Variants in ADGRL2 observed in about 807,000 individuals in gnomAD.
The protein encoded by ADGRL2 is calcium-independent alpha-latrotoxin receptor 2.
Under a neutral mutation model 157.4 loss-of-function variants are expected in ADGRL2, and 44 were observed. That is an observed-to-expected ratio of 0.28 (90% CI 0.22 to 0.36). The LOEUF (loss-of-function observed/expected upper bound fraction) is 0.36, where lower values mean the gene tolerates loss of function less well. ADGRL2 is among the 10% of genes least tolerant of loss of function. ADGRL2 has a pLI of 1.00. For missense variants in ADGRL2, 1,510 were observed against 1,768.9 expected (o/e 0.85, Z 2.63); for synonymous variants, 585 against 624.7 (o/e 0.94, Z 0.95).
At chr1:81,490,281 G>A (rs1049341062) in intron 2 of ADGRL2, among the ~76,000 whole-genome samples, 15 of 151,928 alleles carry the variant, frequency 9.9e-5, no homozygotes, top group Non-Finnish European at 1.5e-4. Flanking sequence ...ACAGGTGTGC[G>A]CCATGATGTC....
intron 2 of ADGRL2, among the ~76,000 whole-genome samples, chr1:81,518,373 C>T (rs548719289): frequency 1.3e-5 from 2 of 152,172 alleles, no homozygotes; most frequent in Non-Finnish European, 2.9e-5. Context: ...AAATAGATAA[C>T]TAGCCCAACC....
At chr1:81,557,482 G>GCAAGA in intron 2 of ADGRL2, 1 of 120,064 alleles carries the variant, frequency 8.3e-6, no homozygotes, top group African/African-American at 3.1e-5. Flanking sequence ...AAGAAAGAAA[G>GCAAGA]AAGAAAGAAA....
chr1:81,762,981 G>T (rs1224435757), intron 2 of ADGRL2, among the ~76,000 whole-genome samples: 3 of 149,310 alleles, frequency 2.0e-5, no homozygotes, highest in Non-Finnish European at 4.4e-5. Context: ...GAACCCAGGA[G>T]GTGGAGCTTG....
intron 1 of ADGRL2, among the ~76,000 whole-genome samples, chr1:81,746,890 A>C (rs1413039028): frequency 6.6e-6 from 1 of 150,386 alleles, no homozygotes; most frequent in East Asian, 2.0e-4. Flanking sequence ...GTGCACACGT[A>C]TACACGTATA....
chr1:81,566,875 A>G (rs545902834), intron 2 of ADGRL2, among the ~76,000 whole-genome samples: 3 of 152,288 alleles, frequency 2.0e-5, no homozygotes, highest in African/African-American at 7.2e-5. Context: ...GAAATTTCAT[A>G]ATTAATCATG....
intron 2 of ADGRL2, among the ~76,000 whole-genome samples, chr1:81,877,920 T>A (rs1460775257): frequency 1.3e-5 from 2 of 152,154 alleles, no homozygotes; most frequent in East Asian, 1.9e-4. Context: ...TTAAATCTTA[T>A]TTGAAAGAAA....
chr1:81,355,658 T>C, intron 1 of ADGRL2, among the ~76,000 whole-genome samples: 1 of 151,486 alleles, frequency 6.6e-6, no homozygotes, highest in Middle Eastern at 3.4e-3. Flanking sequence ...AGAAGTGTAC[T>C]ACAGAGGCCA....
intron 3 of ADGRL2, among the ~76,000 whole-genome samples, chr1:81,638,950 G>C (rs1158614872): frequency 2.6e-5 from 4 of 152,214 alleles, no homozygotes; most frequent in African/African-American, 9.6e-5. Context: ...GCAGCAGTGA[G>C]CCGTGATCAC....
chr1:81,927,484 T>G (rs1166040215), intron 3 of ADGRL2, among the ~76,000 whole-genome samples: 1 of 152,030 alleles, frequency 6.6e-6, no homozygotes, highest in Non-Finnish European at 1.5e-5. Context: ...AAATTGAATG[T>G]AATAAAAATT....
intron 2 of ADGRL2, among the ~76,000 whole-genome samples, chr1:81,791,018 G>A (rs932540730): frequency 8.0e-6 from 1 of 124,584 alleles, no homozygotes; most frequent in Non-Finnish European, 1.6e-5. Context: ...GGTGAGCTGA[G>A]ATGGCAACAC....
At chr1:81,957,621 T>A (rs1653960675) in intron 11 of ADGRL2, among the ~76,000 whole-genome samples, 1 of 151,840 alleles carries the variant, frequency 6.6e-6, no homozygotes, top group Admixed American at 6.6e-5. Flanking sequence ...GGCGGGAGGA[T>A]CACCTGAGCC....
At chr1:81,460,847 T>C (rs2077911509) in intron 2 of ADGRL2, among the ~76,000 whole-genome samples, 1 of 152,236 alleles carries the variant, frequency 6.6e-6, no homozygotes, top group Non-Finnish European at 1.5e-5. Flanking sequence ...ACTGTCTTCC[T>C]TGCAAAATTG....
chr1:81,963,874 G>T (rs529648567), intron 11 of ADGRL2, among the ~76,000 whole-genome samples: 1 of 151,056 alleles, frequency 6.6e-6, no homozygotes, highest in East Asian at 2.0e-4. Flanking sequence ...ACAGAAAATA[G>T]AAATCTTATT....
chr1:81,493,173 A>G (rs2078667332), intron 2 of ADGRL2, among the ~76,000 whole-genome samples: 1 of 152,202 alleles, frequency 6.6e-6, no homozygotes, highest in Non-Finnish European at 1.5e-5. Context: ...GTATTTCAGG[A>G]GAAAAGAAAT....
At chr1:81,799,515 C>G (rs1252964040), upstream of ADGRL2, among the ~76,000 whole-genome samples, 1 of 152,200 alleles carries the variant, frequency 6.6e-6, no homozygotes, top group Non-Finnish European at 1.5e-5. Context: ...CAAGAACAAA[C>G]TTGACCAGTA....
chr1:81,614,642 A>G (rs1291919699), intron 3 of ADGRL2, among the ~76,000 whole-genome samples: 1 of 152,120 alleles, frequency 6.6e-6, no homozygotes, highest in Non-Finnish European at 1.5e-5. Context: ...CCAGTTCTGC[A>G]GGAAGTCAGA....
rs933313394 is a variant in ADGRL2 at position 81,666,778 on chromosome 1, C to G, written c.-143+85798C>G. On this transcript the variant is annotated intron_variant, in intron 3 of 24. Transcript: ENST00000370721. ...GAAGTCTGGAATCTCATTCCCGGCT[C>G]AAACTAACCCACAAGGGCTGTGACT... Among the ~76,000 whole-genome samples, 28 of 152,306 alleles carry G rather than the reference C, an allele frequency of 1.8e-4. 1 individual carries two copies. The East Asian group carries it at 5.2e-3, about 28-fold the overall frequency.
At chr1:81,476,210 A>G (rs2078269252) in intron 2 of ADGRL2, among the ~76,000 whole-genome samples, 1 of 152,192 alleles carries the variant, frequency 6.6e-6, no homozygotes, top group African/African-American at 2.4e-5. Flanking sequence ...GAAAGCAAAA[A>G]AGAATGAAAC....
chr1:81,314,486 C>A (rs1294970552), intron 1 of ADGRL2, among the ~76,000 whole-genome samples: 2 of 151,970 alleles, frequency 1.3e-5, no homozygotes, highest in African/African-American at 2.4e-5. Context: ...CAGCTCAGAA[C>A]CATTTGTATT....
Sources: gnomAD v4.1 joint callset for allele counts (sites outside exome capture counted in the v4.1 genomes callset) on GRCh38, gnomAD v4.1.1 for gene constraint, MANE v1.5 for transcripts, NCBI Gene and HGNC (gene_info 2026-07-23, HGNC 2026-07-21) for gene names.